The following KCNMA1 variants were observed in gnomAD, a reference collection of about 807,000 sequenced individuals.
KCNMA1 encodes potassium calcium-activated channel subfamily M alpha 1, also known as Calcium-activated potassium channel subunit alpha-1.
In KCNMA1, 29 loss-of-function variants were observed where a neutral mutation model predicts 140.0. The observed-to-expected ratio is 0.21, with a 90% CI of 0.15 to 0.28. KCNMA1 has a LOEUF of 0.28. Among genes scored for constraint, KCNMA1 ranks in the 10% least tolerant of loss-of-function variants. KCNMA1 has a pLI of 1.00. For synonymous variants in KCNMA1, 612 were observed against 611.9 expected (o/e 1.00, Z 0.00); for missense variants, 880 against 1,602.2 (o/e 0.55, Z 7.70).
chr10:77,227,769 T>C (rs2052005785), intron 3 of KCNMA1, among the ~76,000 whole-genome samples: 1 of 140,310 alleles, frequency 7.1e-6, no homozygotes, highest in Non-Finnish European at 1.5e-5. Flanking sequence ...CTAATTTCTA[T>C]TAGCCATTTG....
At chr10:77,430,798 A>G (rs988921962) in intron 1 of KCNMA1, among the ~76,000 whole-genome samples, 2 of 152,216 alleles carry the variant, frequency 1.3e-5, no homozygotes, top group Non-Finnish European at 2.9e-5. Context: ...CTTTGTATCA[A>G]TGCAATACAT....
downstream of KCNMA1, chr10:76,883,882 A>G: frequency 2.5e-6 from 1 of 403,144 alleles, no homozygotes; most frequent in Middle Eastern, 1.3e-3. Flanking sequence ...TCACTCTATT[A>G]AGGAAAGTAT....
chr10:76,945,976 T>G (rs2063831828), intron 22 of KCNMA1, among the ~76,000 whole-genome samples: 1 of 152,208 alleles, frequency 6.6e-6, no homozygotes, highest in African/African-American at 2.4e-5. Context: ...TATACTTCTA[T>G]ATTGCTTGAA....
At chr10:77,567,714 A>G (rs1292725405) in intron 1 of KCNMA1, among the ~76,000 whole-genome samples, 1 of 152,204 alleles carries the variant, frequency 6.6e-6, no homozygotes, top group Non-Finnish European at 1.5e-5. Flanking sequence ...CCATTAAGTG[A>G]AACACTCAGG....
intron 3 of KCNMA1, among the ~76,000 whole-genome samples, chr10:77,201,593 T>C (rs1264672730): frequency 1.3e-5 from 2 of 152,208 alleles, no homozygotes; most frequent in African/African-American, 4.8e-5. Flanking sequence ...GCCTAAGTGC[T>C]GGGATTACAG....
At chr10:77,252,181 T>C (rs1197397253) in intron 2 of KCNMA1, among the ~76,000 whole-genome samples, 1 of 152,206 alleles carries the variant, frequency 6.6e-6, no homozygotes, top group Non-Finnish European at 1.5e-5. Context: ...AGAATGAATA[T>C]GTAGCAGATT....
intron 1 of KCNMA1, among the ~76,000 whole-genome samples, chr10:77,499,403 G>GTATATATATATA (rs71028280): frequency 0.058 from 8,241 of 141,088 alleles, 264 homozygotes; most frequent in Admixed American, 0.094. Flanking sequence ...CAGTAGGCAT[G>GTATATATATATA]TATATATATA....
At chr10:77,360,167 C>A (rs1410666131) in intron 2 of KCNMA1, among the ~76,000 whole-genome samples, 2 of 152,158 alleles carry the variant, frequency 1.3e-5, no homozygotes, top group Non-Finnish European at 2.9e-5. Flanking sequence ...ACATTCTTGT[C>A]TTGGAGAAAA....
At chr10:77,414,794 G>A (rs1386614591) in intron 1 of KCNMA1, among the ~76,000 whole-genome samples, 2 of 152,140 alleles carry the variant, frequency 1.3e-5, no homozygotes, top group Non-Finnish European at 2.9e-5. Flanking sequence ...CTGGCTGCAA[G>A]GTAGGAATGT....
chr10:77,086,239 C>A, intron 11 of KCNMA1, among the ~76,000 whole-genome samples: 1 of 152,092 alleles, frequency 6.6e-6, no homozygotes, highest in East Asian at 1.9e-4. Flanking sequence ...TCCAGCAAAG[C>A]AAGTTTCATG....
chr10:77,619,729 G>T (rs927114267), intron 1 of KCNMA1, among the ~76,000 whole-genome samples: 5 of 152,190 alleles, frequency 3.3e-5, no homozygotes, highest in African/African-American at 1.2e-4. Flanking sequence ...GAGACAGGAT[G>T]CCTGTATAGA....
At chr10:77,310,507 T>G (rs1358020953) in intron 2 of KCNMA1, among the ~76,000 whole-genome samples, 1 of 152,248 alleles carries the variant, frequency 6.6e-6, no homozygotes. Flanking sequence ...ATTAAGGAAC[T>G]GAGGCTTGGA....
chr10:76,927,382 C>T (rs1464283239), intron 23 of KCNMA1, among the ~76,000 whole-genome samples: 1 of 152,174 alleles, frequency 6.6e-6, no homozygotes, highest in Non-Finnish European at 1.5e-5. Flanking sequence ...CTGAGGCCTG[C>T]AGGCACAGTA....
At chr10:77,430,706 C>T (rs1362174838) in intron 1 of KCNMA1, among the ~76,000 whole-genome samples, 2 of 152,124 alleles carry the variant, frequency 1.3e-5, no homozygotes, top group African/African-American at 4.8e-5. Context: ...TGCAAGGAGG[C>T]GCCATCCACT....
At chr10:77,456,412 C>T (rs1383724246) in intron 1 of KCNMA1, among the ~76,000 whole-genome samples, 1 of 152,196 alleles carries the variant, frequency 6.6e-6, no homozygotes, top group African/African-American at 2.4e-5. Flanking sequence ...TGCCAGCCCC[C>T]TACTCTATTA....
At chr10:77,508,581 C>CTTTTTTTTTTTTTTTTT (rs761735012) in intron 1 of KCNMA1, among the ~76,000 whole-genome samples, 27 of 99,864 alleles carry the variant, frequency 2.7e-4, no homozygotes, top group East Asian at 7.3e-4. Context: ...TTTTTCTTTT[C>CTTTTTTTTTTTTTTTTT]TTTTTTTTTT....
chr10:76,932,608 T>C, intron 23 of KCNMA1, among the ~76,000 whole-genome samples: 1 of 152,082 alleles, frequency 6.6e-6, no homozygotes. Context: ...TGGGGTGGGG[T>C]CATTTAATAT....
chr10:76,885,901 A>C lies in KCNMA1; in HGVS notation c.*1365T>G. ...CAAAATGTGTTTGGCTCACTGTTGC[A>C]CTCTTCTTATCCCACGTCTCATAAT... is the stretch of plus-strand genomic sequence containing the variant. On this transcript the variant is annotated 3_prime_UTR_variant, in exon 28 of 28. Coordinates refer to ENST00000286628, the MANE Select transcript of KCNMA1 (RefSeq NM_001161352.2). 1 of 985,290 alleles carries C rather than the reference A, an allele frequency of 1.0e-6. No homozygotes were observed. Among genetic ancestry groups the C allele is most frequent in the Non-Finnish European group, 1.2e-6 (1 of 829,894 alleles). 61.0% of individuals were successfully genotyped at this position (985,290 alleles called of 1,614,324 possible).
chr10:77,507,927 T>C (rs1196254618), intron 1 of KCNMA1, among the ~76,000 whole-genome samples: 1 of 152,210 alleles, frequency 6.6e-6, no homozygotes, highest in Admixed American at 6.5e-5. Context: ...AGTTCTTGAC[T>C]GCAGTGCAAC....
Sources: gnomAD v4.1 joint callset for allele counts (sites outside exome capture counted in the v4.1 genomes callset) on GRCh38, gnomAD v4.1.1 for gene constraint, MANE v1.5 for transcripts, NCBI Gene and HGNC (gene_info 2026-07-23, HGNC 2026-07-21) for gene names.